Variants in FBXL7 observed in about 807,000 individuals in gnomAD.
FBXL7 encodes the protein F-box/LRR-repeat protein 7.
In FBXL7, 12 loss-of-function variants were observed where a neutral mutation model predicts 38.3. The ratio of observed to expected loss-of-function variants is 0.31; its 90% CI spans 0.20 to 0.51. The LOEUF (loss-of-function observed/expected upper bound fraction) is 0.51, where lower values mean the gene tolerates loss of function less well. Ranked by LOEUF, FBXL7 falls within the 20% of genes least tolerant of loss-of-function variation. The pLI is 0.98. For missense variants in FBXL7, 567 were observed against 676.4 expected (o/e 0.84, Z 1.79); for synonymous variants, 297 against 300.9 (o/e 0.99, Z 0.13).
intron 2 of FBXL7, among the ~76,000 whole-genome samples, chr5:15,802,039 C>T (rs545977586): frequency 3.9e-5 from 6 of 152,140 alleles, no homozygotes; most frequent in Non-Finnish European, 8.8e-5. Flanking sequence ...GAAGGCCCTA[C>T]ACTTCTGGTT....
At chr5:15,861,436 G>A (rs1739467884) in intron 2 of FBXL7, among the ~76,000 whole-genome samples, 1 of 152,192 alleles carries the variant, frequency 6.6e-6, no homozygotes, top group South Asian at 2.1e-4. Flanking sequence ...TCTTTGCTAT[G>A]GCACAGAGTG....
chr5:15,791,637 G>A (rs1737279637), intron 2 of FBXL7, among the ~76,000 whole-genome samples: 1 of 152,168 alleles, frequency 6.6e-6, no homozygotes, highest in Non-Finnish European at 1.5e-5. Flanking sequence ...GGCCTGACAG[G>A]ACAAAAGGAG....
intron 2 of FBXL7, among the ~76,000 whole-genome samples, chr5:15,670,821 TA>T (rs139515877): frequency 0.1 from 15,461 of 148,886 alleles, 899 homozygotes; most frequent in South Asian, 0.14. Flanking sequence ...AAAATAAAAA[TA>T]AAAAAAAAAT....
intron 2 of FBXL7, among the ~76,000 whole-genome samples, chr5:15,799,970 A>G (rs1484055447): frequency 6.6e-6 from 1 of 152,152 alleles, no homozygotes; most frequent in Non-Finnish European, 1.5e-5. Flanking sequence ...ATCACGGTCC[A>G]GCAATCTTAC....
At chr5:15,929,886 G>A (rs1446076816) in intron 3 of FBXL7, among the ~76,000 whole-genome samples, 3 of 152,062 alleles carry the variant, frequency 2.0e-5, no homozygotes, top group Non-Finnish European at 4.4e-5. Context: ...TGGGGGAGGG[G>A]TCAAGAAGTA....
Position 15,590,094 on chromosome 5 carries a change from G to A in FBXL7, c.38-25889G>A, listed in dbSNP as rs141081365. Among the ~76,000 whole-genome samples the A allele has an allele frequency of 2.1e-3, 316 of 152,274 alleles. 1 individual carries two copies. The highest frequency in any genetic ancestry group is 6.5e-3 in the African/African-American group (272 of 41,558). ...TGACCTTGGGAGTAAATGGTGTTAG[G>A]AAGATATGCTTGGAAGAGGGAAGTG... On this transcript the variant is annotated intron_variant, in intron 1 of 3. Transcript: ENST00000504595.
At chr5:15,837,820 C>T (rs1203544975) in intron 2 of FBXL7, among the ~76,000 whole-genome samples, 2 of 151,944 alleles carry the variant, frequency 1.3e-5, no homozygotes, top group African/African-American at 4.8e-5. Context: ...AGCTTCAGTT[C>T]TCTGGGCTCG....
chr5:15,719,939 T>C (rs1744147307), intron 2 of FBXL7, among the ~76,000 whole-genome samples: 2 of 148,796 alleles, frequency 1.3e-5, no homozygotes, highest in African/African-American at 4.9e-5. Context: ...CACTGACTTG[T>C]AGAGACTTGC....
chr5:15,554,523 AT>A (rs1738175873), intron 1 of FBXL7, among the ~76,000 whole-genome samples: 1 of 152,218 alleles, frequency 6.6e-6, no homozygotes, highest in Non-Finnish European at 1.5e-5. Context: ...CTTTTGTCAG[AT>A]GAGAAAACCC....
At chr5:15,748,457 T>C (rs1736069637) in intron 2 of FBXL7, among the ~76,000 whole-genome samples, 1 of 152,226 alleles carries the variant, frequency 6.6e-6, no homozygotes, top group Non-Finnish European at 1.5e-5. Flanking sequence ...TCCCCCATAC[T>C]GTTCTCCTGG....
intron 2 of FBXL7, among the ~76,000 whole-genome samples, chr5:15,641,208 G>C (rs1324448310): frequency 6.6e-6 from 1 of 152,196 alleles, no homozygotes; most frequent in African/African-American, 2.4e-5. Flanking sequence ...GGGACTCCTG[G>C]AGTTGACCTA....
intron 2 of FBXL7, among the ~76,000 whole-genome samples, chr5:15,902,825 C>T (rs939754114): frequency 1.3e-5 from 2 of 152,220 alleles, no homozygotes; most frequent in Non-Finnish European, 2.9e-5. Context: ...TCAGTATTTT[C>T]ACTTCTGGCT....
intron 2 of FBXL7, among the ~76,000 whole-genome samples, chr5:15,794,848 AC>A (rs1737374355): frequency 6.6e-6 from 1 of 152,240 alleles, no homozygotes; most frequent in Non-Finnish European, 1.5e-5. Flanking sequence ...GGCGAAAAAA[AC>A]AACACAAAAG....
intron 1 of FBXL7, among the ~76,000 whole-genome samples, chr5:15,557,223 C>A (rs1738270903): frequency 6.6e-6 from 1 of 152,236 alleles, no homozygotes; most frequent in Non-Finnish European, 1.5e-5. Flanking sequence ...CAGGCGTGAG[C>A]CACTGCGCCC....
chr5:15,679,791 T>C (rs957619050), intron 2 of FBXL7, among the ~76,000 whole-genome samples: 6 of 152,318 alleles, frequency 3.9e-5, no homozygotes, highest in Non-Finnish European at 8.8e-5. Flanking sequence ...ATGGAGAACT[T>C]TGTACTAGTC....
intron 2 of FBXL7, among the ~76,000 whole-genome samples, chr5:15,718,454 C>T (rs1345066467): frequency 6.6e-6 from 1 of 152,118 alleles, no homozygotes; most frequent in Non-Finnish European, 1.5e-5. Flanking sequence ...TATCTTAGTA[C>T]TTATAGGCAA....
intron 2 of FBXL7, among the ~76,000 whole-genome samples, chr5:15,711,802 A>G (rs1234668618): frequency 6.6e-6 from 1 of 152,238 alleles, no homozygotes; most frequent in Non-Finnish European, 1.5e-5. Flanking sequence ...TTCCAAAAAT[A>G]TAATTATTTT....
intron 2 of FBXL7, among the ~76,000 whole-genome samples, chr5:15,859,748 A>G (rs968487316): frequency 3.9e-5 from 6 of 152,220 alleles, no homozygotes; most frequent in African/African-American, 1.4e-4. Context: ...GATTACGGGA[A>G]CAACAGTTCA....
intron 2 of FBXL7, among the ~76,000 whole-genome samples, chr5:15,870,743 G>C (rs952182673): frequency 3.3e-5 from 5 of 152,170 alleles, no homozygotes; most frequent in African/African-American, 1.2e-4. Flanking sequence ...AGCCACTATA[G>C]CCAGAATGCC....
Sources: gnomAD v4.1 joint callset for allele counts (sites outside exome capture counted in the v4.1 genomes callset) on GRCh38, gnomAD v4.1.1 for gene constraint, MANE v1.5 for transcripts, NCBI Gene and HGNC (gene_info 2026-07-23, HGNC 2026-07-21) for gene names.